CLIP2: variants seen among roughly 807,000 people sequenced by gnomAD.
CLIP2 encodes the protein CAP-Gly domain containing linker protein 2.
Under a neutral mutation model 111.7 loss-of-function variants are expected in CLIP2, and 41 were observed. The observed-to-expected ratio is 0.37, with a 90% CI of 0.29 to 0.48. The LOEUF (loss-of-function observed/expected upper bound fraction) is 0.48, where lower values mean the gene tolerates loss of function less well. CLIP2 is among the 20% of genes least tolerant of loss of function. CLIP2 has a pLI of 0.99. For synonymous variants in CLIP2, 660 were observed against 644.2 expected (o/e 1.02, Z -0.37); for missense variants, 1,160 against 1,422.1 (o/e 0.82, Z 2.96).
intron 1 of CLIP2, among the ~76,000 whole-genome samples, chr7:74,300,396 C>G (rs1333994439): frequency 1.3e-5 from 2 of 152,078 alleles, no homozygotes; most frequent in African/African-American, 4.8e-5. Flanking sequence ...TTTGATTTTC[C>G]GAGTTGTTTT....
At chr7:74,361,556 C>T (rs1426267589) in intron 7 of CLIP2, among the ~76,000 whole-genome samples, 1 of 151,814 alleles carries the variant, frequency 6.6e-6, no homozygotes, top group Non-Finnish European at 1.5e-5. Context: ...CTCACTGTGT[C>T]ACCCAGGCTG....
At chr7:74,385,439 T>A (rs1389932220) in intron 11 of CLIP2, among the ~76,000 whole-genome samples, 1 of 147,284 alleles carries the variant, frequency 6.8e-6, no homozygotes, top group Non-Finnish European at 1.5e-5. Context: ...CACTCCAGCC[T>A]GAGCAACACA....
intron 1 of CLIP2, among the ~76,000 whole-genome samples, chr7:74,290,698 C>T (rs1259554201): frequency 6.6e-6 from 1 of 152,170 alleles, no homozygotes; most frequent in East Asian, 1.9e-4. Context: ...GGTGGGGTGG[C>T]CTAGGGCTGT....
intron 1 of CLIP2, among the ~76,000 whole-genome samples, chr7:74,301,600 C>T (rs1251691450): frequency 6.0e-5 from 9 of 151,188 alleles, no homozygotes; most frequent in Non-Finnish European, 7.4e-5. Context: ...CCATGTTGGC[C>T]AGGCTGGTCT....
Position 74,376,254 on chromosome 7 carries a change from A to C in CLIP2, c.1853A>C (p.Asp618Ala). Residue 618 changes from aspartate to alanine, a missense_variant, in exon 10 of 17, where the codon GAC becomes GCC. Transcript: ENST00000223398. This position sits in a 1 kb window ranked among gnomAD's most constrained non-coding sequence, Gnocchi z 7.1. ...GLMDNWKSKLDSLASDHQKSL... is the reference protein window; with the variant it reads ...GLMDNWKSKLASLASDHQKSL... Reference sequence around the variant, plus strand: ...ATGGACAACTGGAAATCCAAGCTGGACTCGCTGGCCTCGGACCACCAGAAG... The same window carrying C: ...ATGGACAACTGGAAATCCAAGCTGGCCTCGCTGGCCTCGGACCACCAGAAG... The C allele has an allele frequency of 6.2e-7, 1 of 1,612,446 alleles. No homozygotes were observed. Among genetic ancestry groups the C allele is most frequent in the South Asian group, 1.1e-5 (1 of 90,922 alleles).
rs117357496 is a variant in CLIP2, at chr7:74,372,783, G to A, written c.1381-149G>A. 6.7e-3 allele frequency: 4,186 copies of A among 626,116 alleles called. 41 individuals carry two copies. The highest frequency in any genetic ancestry group is 0.017 in the South Asian group (921 of 52,640). 38.8% of individuals were successfully genotyped at this position (626,116 alleles called of 1,614,324 possible). On this transcript the variant is annotated intron_variant, in intron 8 of 16. Transcript: ENST00000223398. ...CTTTCGCTGAGCAATTCTGGCTCAT[G>A]AATCTACTCTCCTCGCCTTGTTCAC...
At chr7:74,328,557 C>G (rs1789184948) in intron 2 of CLIP2, among the ~76,000 whole-genome samples, 2 of 151,958 alleles carry the variant, frequency 1.3e-5, no homozygotes, top group Admixed American at 6.6e-5. Context: ...GGGAACAGAG[C>G]CCCATGGGGT....
Position 74,376,306 on chromosome 7 carries a change from G to A in CLIP2, c.1905G>A (p.Leu635=). 1 of 1,613,870 alleles carries A rather than the reference G, an allele frequency of 6.2e-7. No homozygotes were observed. The change falls in exon 10 of 17, where the codon CTG becomes CTA. Residue 635 remains leucine (L), a synonymous_variant. Transcript: ENST00000223398. This position sits in a 1 kb window ranked among gnomAD's most constrained non-coding sequence, Gnocchi z 7.1. ...QKSLEDLKAT[L]NSGPGAQQKE... is the part of the protein sequence containing the mutation. The stretch of plus-strand genomic sequence containing the variant: ...CCCTGGAGGACCTCAAAGCCACCCT[G>A]AACTCGGGCCCAGGCGCCCAGCAGA...
chr7:74,309,069 A>G (rs1554728125), intron 1 of CLIP2, among the ~76,000 whole-genome samples: 1 of 151,358 alleles, frequency 6.6e-6, no homozygotes. Context: ...GATTTTCGCC[A>G]TGTTGCCCAG....
chr7:74,314,100 T>C (rs1788709797), intron 1 of CLIP2, among the ~76,000 whole-genome samples: 1 of 149,146 alleles, frequency 6.7e-6, no homozygotes, highest in African/African-American at 2.5e-5. Context: ...AAGAATTGCT[T>C]GAAACCAGGA....
At chr7:74,307,571 A>C (rs1184091879) in intron 1 of CLIP2, among the ~76,000 whole-genome samples, 1 of 151,808 alleles carries the variant, frequency 6.6e-6, no homozygotes, top group Non-Finnish European at 1.5e-5. Context: ...GCTCACCACA[A>C]CCTCCGCCTC....
intron 1 of CLIP2, among the ~76,000 whole-genome samples, chr7:74,292,680 G>A (rs1179378549): frequency 2.0e-5 from 3 of 152,048 alleles, no homozygotes; most frequent in East Asian, 1.9e-4. Flanking sequence ...GAGCCACCAC[G>A]CCTGGCCTGG....
At chr7:74,347,415 C>G (rs1789826625) in intron 3 of CLIP2, among the ~76,000 whole-genome samples, 1 of 152,088 alleles carries the variant, frequency 6.6e-6, no homozygotes, top group Non-Finnish European at 1.5e-5. Flanking sequence ...ACTACAGGTG[C>G]CCGCCACCAC....
At chr7:74,368,103 C>T (rs1281685801) in intron 8 of CLIP2, among the ~76,000 whole-genome samples, 5 of 152,132 alleles carry the variant, frequency 3.3e-5, no homozygotes, top group African/African-American at 9.6e-5. Flanking sequence ...GTCCCAGCTA[C>T]GCGGGAGGTT....
At chr7:74,377,166 CCTCAGA>C (rs1790816822) in intron 10 of CLIP2, among the ~76,000 whole-genome samples, 1 of 152,122 alleles carries the variant, frequency 6.6e-6, no homozygotes, top group South Asian at 2.1e-4. Context: ...GGACCCGGGA[CCTCAGA>C]CCCTGTGCCC....
intron 1 of CLIP2, among the ~76,000 whole-genome samples, chr7:74,303,324 G>A (rs551880181): frequency 1.5e-4 from 23 of 152,198 alleles, no homozygotes; most frequent in Non-Finnish European, 2.6e-4. Context: ...CAGGTGAGGT[G>A]CCAGCCTGGA....
intron 1 of CLIP2, 125 bp from the exon 2 acceptor site, chr7:74,317,355 A>T (rs1414398494): frequency 1.8e-6 from 1 of 548,096 alleles, no homozygotes; most frequent in Non-Finnish European, 2.8e-6. Flanking sequence ...CAGTGAGCTG[A>T]TAGGTTAAAT....
intron 13 of CLIP2, among the ~76,000 whole-genome samples, chr7:74,394,350 A>C (rs1554316347): frequency 6.8e-6 from 1 of 146,528 alleles, no homozygotes; most frequent in Admixed American, 7.2e-5. Context: ...TCCTGGGTTC[A>C]AGCAATTCTC....
chr7:74,308,933 T>G (rs1341436512), intron 1 of CLIP2, among the ~76,000 whole-genome samples: 2 of 152,076 alleles, frequency 1.3e-5, no homozygotes, highest in African/African-American at 4.8e-5. Flanking sequence ...GGTAGTGTGA[T>G]CACAGCTCAC....
Sources: allele counts gnomAD v4.1 joint callset (sites outside exome capture counted in the v4.1 genomes callset), GRCh38; gene constraint gnomAD v4.1.1; non-coding constraint Gnocchi (gnomAD v3.1); transcripts MANE v1.5; gene names NCBI Gene and HGNC (gene_info 2026-07-23, HGNC 2026-07-21).